ISG20: variants seen among roughly 807,000 people sequenced by gnomAD.
ISG20 encodes interferon stimulated exonuclease gene 20.
A neutral mutation model predicts 11.1 loss-of-function variants in ISG20; 8 were observed. The ratio of observed to expected loss-of-function variants is 0.72; its 90% CI spans 0.42 to 1.30. The LOEUF is 1.30. Ranked by LOEUF, ISG20 falls within the 50% of genes most tolerant of loss-of-function variation. The pLI, the probability that ISG20 is intolerant of heterozygous loss-of-function variation, is 0.01. For missense variants in ISG20, 243 were observed against 250.2 expected (o/e 0.97, Z 0.19); for synonymous variants, 110 against 101.7 (o/e 1.08, Z -0.49).
chr15:88,636,749 G>C (rs1281482243), upstream of ISG20, among the ~76,000 whole-genome samples: 1 of 152,118 alleles, frequency 6.6e-6, no homozygotes, highest in East Asian at 1.9e-4. Flanking sequence ...GCTCAGGCTG[G>C]TCTCGAATTC....
At chr15:88,647,131 T>A (rs59173546) in intron 2 of ISG20, 75,539 of 151,598 alleles carry the variant, frequency 0.5, 19,685 homozygotes, top group Non-Finnish European at 0.57. Flanking sequence ...GAGTAGTGAG[T>A]GTGCCCAGCC....
chr15:88,644,362 C>T (rs941222123), intron 2 of ISG20, among the ~76,000 whole-genome samples: 8 of 151,444 alleles, frequency 5.3e-5, no homozygotes, highest in South Asian at 2.1e-4. Flanking sequence ...GGTGAAACCC[C>T]GTCTCTACTA....
intron 3 of ISG20, among the ~76,000 whole-genome samples, 171 bp from the exon 4 acceptor site, chr15:88,655,244 C>A (rs762607649): frequency 6.6e-6 from 1 of 152,234 alleles, no homozygotes; most frequent in Non-Finnish European, 1.5e-5. Context: ...CAGGCCAGCT[C>A]CAGCCACCTG....
Position 88,639,633 on chromosome 15 carries a change from C to A in ISG20, c.228+39C>A. On this transcript the variant is annotated intron_variant, in intron 2 of 3. Coordinates refer to ENST00000306072, the MANE Select transcript of ISG20 (RefSeq NM_002201.6). The surrounding 1 kb of genome is among the most constrained non-coding windows in gnomAD (Gnocchi z 4.2). ...CGGCCAGCAGGGGCTTTGGAAATAA[C>A]CCCTCTCCCACTTCCCTGGCCCCTC... 4 of 1,523,506 alleles carry A rather than the reference C, an allele frequency of 2.6e-6. No individual in the cohort carries two copies. In the Middle Eastern group the frequency reaches 5.1e-4, roughly 194 times the overall value. 94.4% of individuals were successfully genotyped at this position (1,523,506 alleles called of 1,614,324 possible).
Position 88,650,342 on chromosome 15 carries a change from G to A in ISG20, c.229-1768G>A. The A allele has an allele frequency of 6.5e-7, 1 of 1,535,288 alleles. No homozygotes were observed. Among genetic ancestry groups the A allele is most frequent in the South Asian group, 1.2e-5 (1 of 84,016 alleles). On this transcript the variant is annotated intron_variant, in intron 2 of 3. Coordinates refer to ENST00000306072, the MANE Select transcript of ISG20 (RefSeq NM_002201.6). This position sits in a 1 kb window ranked among gnomAD's most constrained non-coding sequence, Gnocchi z 4.0. ...TGTGGGAGGCGAGGCGAGGAACGCG[G>A]GGCTGGGGCAGTCACAGCTGGGCGC...
At chr15:88,644,950 C>T (rs1003921667) in intron 2 of ISG20, among the ~76,000 whole-genome samples, 1 of 152,230 alleles carries the variant, frequency 6.6e-6, no homozygotes, top group Non-Finnish European at 1.5e-5. Context: ...ATTCCCTGGG[C>T]GCCCTTGAGC....
chr15:88,642,716 A>C (rs1195198597), intron 2 of ISG20, among the ~76,000 whole-genome samples: 3 of 152,296 alleles, frequency 2.0e-5, no homozygotes, highest in East Asian at 3.9e-4. Flanking sequence ...TCCCAGGTTC[A>C]AGGGAGTCTC....
intron 2 of ISG20, among the ~76,000 whole-genome samples, chr15:88,646,703 T>C (rs8025352): frequency 0.49 from 75,120 of 152,062 alleles, 19,281 homozygotes; most frequent in African/African-American, 0.6. Context: ...TTTTATGAGA[T>C]CCCACAAGGC....
Position 88,639,258 on chromosome 15 carries a change from G to A in ISG20, c.-24-85G>A, listed in dbSNP as rs973831478. On this transcript the variant is annotated intron_variant, in intron 1 of 3. Coordinates refer to ENST00000306072, the MANE Select transcript of ISG20 (RefSeq NM_002201.6). This position sits in a 1 kb window ranked among gnomAD's most constrained non-coding sequence, Gnocchi z 4.2. ...GTCGGAAACAAAGGGCAGGGCGGAG[G>A]GTAAGGCCAGCTGGGGTTGGCTGAG... The A allele has an allele frequency of 2.0e-5, 16 of 798,142 alleles. No homozygotes were observed. Among genetic ancestry groups the A allele is most frequent in the Non-Finnish European group, 2.6e-5 (13 of 506,722 alleles). The allele number at this position is 798,142 out of a possible 1,614,324, so 49.4% of individuals were successfully genotyped here. A position where few individuals can be genotyped will look rare whatever the true frequency, so the allele number is the denominator to read the frequency against.
chr15:88,642,373 G>A (rs1257614468), intron 2 of ISG20, among the ~76,000 whole-genome samples: 2 of 152,184 alleles, frequency 1.3e-5, no homozygotes, highest in Non-Finnish European at 2.9e-5. Context: ...TTGGGGGTTA[G>A]GATTTTAACA....
At chr15:88,644,516 A>G (rs2058135407) in intron 2 of ISG20, among the ~76,000 whole-genome samples, 1 of 148,210 alleles carries the variant, frequency 6.7e-6, no homozygotes, top group Non-Finnish European at 1.5e-5. Context: ...TGGGCGACAA[A>G]GTGAGACTTA....
chr15:88,647,617 C>T (rs1193716933), intron 2 of ISG20: 1 of 152,180 alleles, frequency 6.6e-6, no homozygotes, highest in African/African-American at 2.4e-5. Flanking sequence ...AGTGATTTGC[C>T]TAAGGACATA....
At position 88,643,561 on chromosome 15, in the gene ISG20, G is replaced by C. The variant is rs1292802604; in HGVS notation, c.228+3967G>C. On this transcript the variant is annotated intron_variant, in intron 2 of 3. Coordinates refer to ENST00000306072, the MANE Select transcript of ISG20 (RefSeq NM_002201.6). The surrounding 1 kb of genome is among the most constrained non-coding windows in gnomAD (Gnocchi z 4.4). ...TCTACTGAAAATGCAAAAATTAGCC[G>C]GGTGTGGTGGTGGGTGCCTGTAATC... 6.6e-6 allele frequency among the ~76,000 whole-genome samples: 1 copy of C among 152,048 alleles called. No individual in the cohort carries two copies.
rs1163821640 is a variant in ISG20, at chr15:88,643,737, T to G, written c.228+4143T>G. Reference sequence around the variant, plus strand: ...GAAAAAATTACATCTGTGGCTTGCATTATATTTCTATTGGACAACACTGTT... The same window carrying G: ...GAAAAAATTACATCTGTGGCTTGCAGTATATTTCTATTGGACAACACTGTT... On this transcript the variant is annotated intron_variant, in intron 2 of 3. Coordinates refer to ENST00000306072, the MANE Select transcript of ISG20 (RefSeq NM_002201.6). This position sits in a 1 kb window ranked among gnomAD's most constrained non-coding sequence, Gnocchi z 4.4. Among the ~76,000 whole-genome samples, 1 of 152,170 alleles carries G rather than the reference T, an allele frequency of 6.6e-6. No homozygotes were observed. The highest frequency in any genetic ancestry group is 6.5e-5 in the Admixed American group (1 of 15,272).
At chr15:88,640,869 G>T (rs2058068860) in intron 2 of ISG20, among the ~76,000 whole-genome samples, 1 of 151,866 alleles carries the variant, frequency 6.6e-6, no homozygotes, top group African/African-American at 2.4e-5. Context: ...CCAGCAGCTG[G>T]GATCACTTGA....
intron 2 of ISG20, among the ~76,000 whole-genome samples, chr15:88,644,400 G>A (rs1344153697): frequency 6.6e-6 from 1 of 151,918 alleles, no homozygotes; most frequent in Non-Finnish European, 1.5e-5. Context: ...GGGCATGGTG[G>A]CATGTGCCTG....
rs1053221202 is a variant in ISG20, at chr15:88,655,998, AC to A, written c.*471del. On this transcript the variant is annotated 3_prime_UTR_variant, in exon 4 of 4. Coordinates refer to ENST00000306072, the MANE Select transcript of ISG20 (RefSeq NM_002201.6). ...AGGTACAGGAAATGTCAAGGGTGCCACCCCGGCAACCTTGAGCAAGTCACCC... is the reference window on the plus strand; with the variant it reads ...AGGTACAGGAAATGTCAAGGGTGCCACCCGGCAACCTTGAGCAAGTCACCC... 1.3e-5 allele frequency: 2 copies of A among 152,866 alleles called. No individual in the cohort carries two copies. Among genetic ancestry groups the A allele is most frequent in the African/African-American group, 4.8e-5 (2 of 41,384 alleles). The allele number at this position is 152,866 out of a possible 1,614,324, so 9.5% of individuals were successfully genotyped here.
intron 3 of ISG20, among the ~76,000 whole-genome samples, chr15:88,653,060 G>A (rs574075900): frequency 1.2e-4 from 18 of 152,222 alleles, no homozygotes; most frequent in East Asian, 1.9e-4. Context: ...AGGGAGAGGC[G>A]CCAGACACTA....
chr15:88,650,310 C>T lies in ISG20; in HGVS notation c.229-1800C>T. 6.5e-7 allele frequency: 1 copy of T among 1,535,658 alleles called. No individual in the cohort carries two copies. Among genetic ancestry groups the T allele is most frequent in the Non-Finnish European group, 8.7e-7 (1 of 1,146,874 alleles). On this transcript the variant is annotated intron_variant, in intron 2 of 3. Coordinates refer to ENST00000306072, the MANE Select transcript of ISG20 (RefSeq NM_002201.6). This position sits in a 1 kb window ranked among gnomAD's most constrained non-coding sequence, Gnocchi z 4.0. The stretch of plus-strand genomic sequence containing the variant: ...GCCTGTGTGACCAGAGCAGGGCAGG[C>T]TGTCCATGTGGGAGGCGAGGCGAGG...
Sources: gnomAD v4.1 joint callset for allele counts (sites outside exome capture counted in the v4.1 genomes callset) on GRCh38, gnomAD v4.1.1 for gene constraint, Gnocchi (gnomAD v3.1) non-coding constraint, MANE v1.5 for transcripts, NCBI Gene and HGNC (gene_info 2026-07-23, HGNC 2026-07-21) for gene names.